Variants in KSR2 observed in about 807,000 individuals in gnomAD.
KSR2 encodes kinase suppressor of ras 2.
Under a neutral mutation model 107.8 loss-of-function variants are expected in KSR2, and 25 were observed. The observed-to-expected ratio is 0.23, with a 90% CI of 0.17 to 0.32. The LOEUF is 0.32. KSR2 is among the 10% of genes least tolerant of loss of function. KSR2 has a pLI of 1.00. For missense variants in KSR2, 887 were observed against 1,268.9 expected (o/e 0.70, Z 4.57); for synonymous variants, 480 against 507.0 (o/e 0.95, Z 0.71).
intron 4 of KSR2, among the ~76,000 whole-genome samples, chr12:117,699,869 A>G (rs923742604): frequency 6.6e-6 from 1 of 151,964 alleles, no homozygotes; most frequent in Admixed American, 6.6e-5. Flanking sequence ...GCTTCATTAT[A>G]ATCTTTTTTG....
intron 1 of KSR2, among the ~76,000 whole-genome samples, chr12:117,956,655 G>A (rs1274989683): frequency 1.3e-5 from 2 of 151,722 alleles, no homozygotes; most frequent in Non-Finnish European, 2.9e-5. Flanking sequence ...GACTGGGGGT[G>A]GCTGCTCACC....
intron 12 of KSR2, among the ~76,000 whole-genome samples, chr12:117,527,949 A>G (rs1364391833): frequency 2.7e-5 from 3 of 110,218 alleles, no homozygotes; most frequent in Non-Finnish European, 5.4e-5. Context: ...TGGAAGACAC[A>G]AGTGTGTGTG....
chr12:117,863,994 G>T (rs1893394871), intron 1 of KSR2, among the ~76,000 whole-genome samples: 1 of 152,078 alleles, frequency 6.6e-6, no homozygotes, highest in African/African-American at 2.4e-5. Context: ...TCTTACATCT[G>T]CAAAGTCCTT....
chr12:117,702,467 A>G (rs2136622582), intron 4 of KSR2, among the ~76,000 whole-genome samples: 1 of 152,326 alleles, frequency 6.6e-6, no homozygotes, highest in Non-Finnish European at 1.5e-5. Flanking sequence ...TCAAAAATTG[A>G]GTCTCTAACC....
At position 117,808,000 on chromosome 12, in the gene KSR2, A is replaced by T. The variant is rs541772871; in HGVS notation, c.473-46476T>A. ...TAATAAATTGCACTCTGCCTGTGAC[A>T]GCTCCCAAATAATTATGTTGAACTT... On this transcript the variant is annotated intron_variant, in intron 3 of 19. Transcript: ENST00000339824. Among the ~76,000 whole-genome samples the T allele has an allele frequency of 2.0e-5, 3 of 152,318 alleles. No homozygotes were observed. The South Asian group carries it at 6.2e-4, about 32-fold the overall frequency.
intron 1 of KSR2, among the ~76,000 whole-genome samples, chr12:117,906,538 G>A (rs530607714): frequency 6.6e-5 from 10 of 151,604 alleles, no homozygotes; most frequent in South Asian, 4.2e-4. Flanking sequence ...CTTGGGAGGC[G>A]GAGGTTGCAG....
At chr12:117,766,669 TGG>T (rs1950319602) in intron 3 of KSR2, among the ~76,000 whole-genome samples, 1 of 149,178 alleles carries the variant, frequency 6.7e-6, no homozygotes, top group South Asian at 2.1e-4. Context: ...GGCCAGGAGG[TGG>T]GGGTGGGTAG....
chr12:117,536,387 A>G (rs1876055218), intron 10 of KSR2, among the ~76,000 whole-genome samples: 1 of 152,168 alleles, frequency 6.6e-6, no homozygotes, highest in Non-Finnish European at 1.5e-5. Flanking sequence ...GGTAGGCCCA[A>G]CTGTACTTCC....
chr12:117,705,074 G>A (rs983186073), intron 4 of KSR2, among the ~76,000 whole-genome samples: 2 of 152,152 alleles, frequency 1.3e-5, no homozygotes, highest in African/African-American at 4.8e-5. Context: ...AGCTAGGCAG[G>A]CCAGGGCCTG....
chr12:117,919,142 T>C lies in KSR2; in HGVS notation c.180+48934A>G, dbSNP rs1264593031. On this transcript the variant is annotated intron_variant, in intron 1 of 19. Transcript: ENST00000339824. The stretch of plus-strand genomic sequence containing the variant: ...CACACAGCAAAACCTCATTTCAAAA[T>C]AAATAAATAAATAAACAAACAAACC... Among the ~76,000 whole-genome samples the C allele has an allele frequency of 2.6e-5, 4 of 152,088 alleles. No homozygotes were observed. In the East Asian group the frequency reaches 7.7e-4, roughly 29 times the overall value.
At chr12:117,769,391 C>G (rs1046722557) in intron 3 of KSR2, among the ~76,000 whole-genome samples, 1 of 152,118 alleles carries the variant, frequency 6.6e-6, no homozygotes. Flanking sequence ...CTGACTAACT[C>G]CCCCAGAAAG....
chr12:117,894,320 TTTTG>T (rs1182716836), intron 1 of KSR2, among the ~76,000 whole-genome samples: 1 of 152,174 alleles, frequency 6.6e-6, no homozygotes, highest in Non-Finnish European at 1.5e-5. Context: ...AATGTCGATA[TTTTG>T]TTTATCATGA....
chr12:117,603,956 C>G (rs1417112302), intron 5 of KSR2, among the ~76,000 whole-genome samples: 1 of 152,238 alleles, frequency 6.6e-6, no homozygotes, highest in African/African-American at 2.4e-5. Flanking sequence ...AACCAACTAA[C>G]ATTTCTTCCT....
intron 1 of KSR2, among the ~76,000 whole-genome samples, chr12:117,902,409 T>C (rs1471916794): frequency 6.8e-6 from 1 of 146,764 alleles, no homozygotes; most frequent in Non-Finnish European, 1.5e-5. Flanking sequence ...GGCAGGAGAA[T>C]CACTTGAACC....
At chr12:117,962,276 C>T (rs1896682809) in intron 1 of KSR2, among the ~76,000 whole-genome samples, 1 of 151,930 alleles carries the variant, frequency 6.6e-6, no homozygotes, top group South Asian at 2.1e-4. Flanking sequence ...CTCAAAACTA[C>T]CTCTACTTGG....
At chr12:117,731,842 T>C (rs990622337) in intron 4 of KSR2, among the ~76,000 whole-genome samples, 5 of 146,134 alleles carry the variant, frequency 3.4e-5, no homozygotes, top group African/African-American at 1.2e-4. Flanking sequence ...GGCAGCATGC[T>C]CCTTAAGAGT....
intron 16 of KSR2, among the ~76,000 whole-genome samples, chr12:117,477,541 G>A (rs7298492): frequency 0.11 from 17,479 of 152,130 alleles, 1,071 homozygotes; most frequent in East Asian, 0.19. Context: ...GATAAGCATC[G>A]TACAAATAAT....
intron 2 of KSR2, among the ~76,000 whole-genome samples, chr12:117,859,298 A>C (rs1196076014): frequency 1.3e-5 from 2 of 151,666 alleles, no homozygotes; most frequent in Non-Finnish European, 2.9e-5. Flanking sequence ...GGCGTGCACC[A>C]CCATGCCCGG....
At chr12:117,546,660 C>G (rs1336296242) in intron 9 of KSR2, among the ~76,000 whole-genome samples, 1 of 152,146 alleles carries the variant, frequency 6.6e-6, no homozygotes, top group African/African-American at 2.4e-5. Flanking sequence ...CTGCTCAGGC[C>G]ATTTTCTCTC....
Sources: gnomAD v4.1 joint callset for allele counts (sites outside exome capture counted in the v4.1 genomes callset) on GRCh38, gnomAD v4.1.1 for gene constraint, MANE v1.5 for transcripts, NCBI Gene and HGNC (gene_info 2026-07-23, HGNC 2026-07-21) for gene names.